MAB21L3: variants seen among roughly 807,000 people sequenced by gnomAD.
The protein encoded by MAB21L3 is mab-21 like 3.
In MAB21L3, 36 loss-of-function variants were observed where a neutral mutation model predicts 37.7. The observed-to-expected ratio is 0.96, with a 90% confidence interval of 0.73 to 1.26. The LOEUF (loss-of-function observed/expected upper bound fraction) is 1.26, where lower values mean the gene tolerates loss of function less well. Among genes scored for constraint, MAB21L3 ranks in the 50% most tolerant of loss-of-function variants. MAB21L3 has a pLI of 0.00. For synonymous variants in MAB21L3, 186 were observed against 176.8 expected (o/e 1.05, Z -0.41); for missense variants, 430 against 447.3 (o/e 0.96, Z 0.35).
chr1:116,123,429 C>A (rs548730370), intron 4 of MAB21L3, among the ~76,000 whole-genome samples: 1 of 151,992 alleles, frequency 6.6e-6, no homozygotes, highest in Non-Finnish European at 1.5e-5. Context: ...AGATATTTTA[C>A]AAAATCTGTT....
chr1:116,119,094 G>C (rs1358730236), intron 3 of MAB21L3, among the ~76,000 whole-genome samples: 1 of 152,212 alleles, frequency 6.6e-6, no homozygotes, highest in African/African-American at 2.4e-5. Flanking sequence ...TCCTATGCTG[G>C]AGAGGACCCT....
At chr1:116,113,746 A>G (rs114827127) in intron 3 of MAB21L3, among the ~76,000 whole-genome samples, 3,038 of 152,258 alleles carry the variant, frequency 0.02, 52 homozygotes, top group Middle Eastern at 0.12. Flanking sequence ...TTTCCAGGGG[A>G]AAAAAATCAG....
At chr1:116,127,740 T>C (rs972927265) in intron 6 of MAB21L3, 96 bp downstream of exon 6, 15 of 1,319,700 alleles carry the variant, frequency 1.1e-5, no homozygotes, top group Non-Finnish European at 1.5e-5. Context: ...CGAAGGAAAG[T>C]TGAGGTGTTA....
At chr1:116,123,171 G>A (rs1659798585) in intron 4 of MAB21L3, among the ~76,000 whole-genome samples, 1 of 152,150 alleles carries the variant, frequency 6.6e-6, no homozygotes, top group Admixed American at 6.5e-5. Context: ...AGCTCCTTTG[G>A]CTGCTCTGTT....
chr1:116,116,400 G>A (rs1570801919), intron 3 of MAB21L3, among the ~76,000 whole-genome samples: 1 of 152,166 alleles, frequency 6.6e-6, no homozygotes, highest in African/African-American at 2.4e-5. Context: ...CCCACAGCAG[G>A]AGCATCACTG....
At chr1:116,123,791 T>G (rs1659817853) in intron 4 of MAB21L3, 2 of 345,942 alleles carry the variant, frequency 5.8e-6, no homozygotes, top group Non-Finnish European at 1.1e-5. Context: ...TCCTCTGGAG[T>G]TCCTGGTTTA....
chr1:116,120,858 C>T, intron 3 of MAB21L3, 74 bp from the exon 4 acceptor site: 1 of 1,570,178 alleles, frequency 6.4e-7, no homozygotes, highest in Non-Finnish European at 8.6e-7. Flanking sequence ...ACCCTTGTCT[C>T]CTCACTCTCT....
At chr1:116,122,196 G>A (rs753340303) in intron 4 of MAB21L3, among the ~76,000 whole-genome samples, 50 of 152,212 alleles carry the variant, frequency 3.3e-4, no homozygotes, top group Middle Eastern at 3.2e-3. Context: ...CCACCTAAGA[G>A]ATTCTGGGAT....
rs1660214080 is a variant in MAB21L3, at chr1:116,137,089, C to A, written c.*3724C>A. Among the ~76,000 whole-genome samples, 1 of 95,444 alleles carries A rather than the reference C, an allele frequency of 1.0e-5. No homozygotes were observed. Among genetic ancestry groups the A allele is most frequent in the African/African-American group, 7.6e-5 (1 of 13,072 alleles). 62.6% of individuals were successfully genotyped at this position (95,444 alleles called of 152,430 possible). On this transcript the variant is annotated 3_prime_UTR_variant, in exon 8 of 8. Transcript: ENST00000369500. Reference sequence around the variant, plus strand: ...GGCAAGGACTTCATGTCTAAAACACCAAAAGCAATGGCAACAAAAGCCAAA... The same window carrying A: ...GGCAAGGACTTCATGTCTAAAACACAAAAAGCAATGGCAACAAAAGCCAAA...
chr1:116,124,387 A>G, intron 5 of MAB21L3, 30 bp downstream of exon 5: 1 of 1,582,674 alleles, frequency 6.3e-7, no homozygotes, highest in Non-Finnish European at 8.6e-7. Flanking sequence ...GTGCAAGGGT[A>G]ATTGCTGGCA....
intron 2 of MAB21L3, 91 bp from the exon 3 acceptor site, chr1:116,112,316 A>G (rs554892836): frequency 2.1e-4 from 57 of 277,698 alleles, no homozygotes; most frequent in Middle Eastern, 1.3e-3. Flanking sequence ...GCACCAGTCA[A>G]TGTAGCTAAC....
At chr1:116,126,522 A>G (rs541379829) in intron 5 of MAB21L3, among the ~76,000 whole-genome samples, 1 of 152,184 alleles carries the variant, frequency 6.6e-6, no homozygotes, top group East Asian at 1.9e-4. Context: ...GATGGTAAAA[A>G]CAAATACCAT....
rs780396793 is a variant in MAB21L3, at chr1:116,121,023, T to C, written c.140T>C (p.Ile47Thr). ...HLTTNISNQD[I>T]RFQAVPYSDT... is the part of the protein sequence containing the mutation. ...ACCACAAACATCAGCAACCAAGACA[T>C]TAGATTTCAAGCTGTGCCTTACTCT... Residue 47 changes from isoleucine to threonine, a missense_variant, in exon 4 of 8, where the codon ATT becomes ACT. Ile to Thr is a moderately conservative substitution (Grantham distance 89). Coordinates refer to ENST00000369500, the MANE Select transcript of MAB21L3 (RefSeq NM_152367.3). 8 of 1,613,928 alleles carry C rather than the reference T, an allele frequency of 5.0e-6. No individual in the cohort carries two copies. In the East Asian group the frequency reaches 1.3e-4, roughly 27 times the overall value.
Position 116,124,841 on chromosome 1 carries a change from A to G in MAB21L3, c.481+484A>G, listed in dbSNP as rs114354500. Among the ~76,000 whole-genome samples the G allele has an allele frequency of 7.7e-3, 1,168 of 150,988 alleles. 12 individuals carry two copies. The highest frequency in any genetic ancestry group is 0.027 in the African/African-American group (1,096 of 40,836). ...GAACTGACTAAGTTTGACAACTCCA[A>G]AGTCTTAAGCTACTGTACAGCATAT... On this transcript the variant is annotated intron_variant, in intron 5 of 7. Transcript: ENST00000369500.
At chr1:116,121,758 G>A (rs889827941) in intron 4 of MAB21L3, among the ~76,000 whole-genome samples, 1 of 152,188 alleles carries the variant, frequency 6.6e-6, no homozygotes, top group African/African-American at 2.4e-5. Context: ...GGTAACACCA[G>A]CATTCAGGCA....
chr1:116,124,432 G>A (rs1032951434), intron 5 of MAB21L3, 75 bp downstream of exon 5: 28 of 1,347,576 alleles, frequency 2.1e-5, no homozygotes, highest in Non-Finnish European at 2.8e-5. Context: ...CTGTTTGGGT[G>A]TTACCTGCAG....
chr1:116,123,883 A>G, intron 4 of MAB21L3, 183 bp from the exon 5 acceptor site: 1 of 583,106 alleles, frequency 1.7e-6, no homozygotes, highest in Non-Finnish European at 3.0e-6. Context: ...ACAATGATTC[A>G]GTAGCAGAAC....
chr1:116,112,345 G>A (rs1431182141), intron 2 of MAB21L3, 62 bp from the exon 3 acceptor site: 7 of 346,324 alleles, frequency 2.0e-5, no homozygotes, highest in Middle Eastern at 8.7e-4. Context: ...GATTAGGTTG[G>A]ACTCAAATTC....
chr1:116,113,951 G>C (rs1484285082), intron 3 of MAB21L3, among the ~76,000 whole-genome samples: 4 of 152,026 alleles, frequency 2.6e-5, no homozygotes, highest in African/African-American at 9.7e-5. Context: ...TCCCATTTCT[G>C]CCCAACAAGA....
Sources: gnomAD v4.1 joint callset for allele counts (sites outside exome capture counted in the v4.1 genomes callset) on GRCh38, gnomAD v4.1.1 for gene constraint, MANE v1.5 for transcripts, NCBI Gene and HGNC (gene_info 2026-07-23, HGNC 2026-07-21) for gene names.